PSMG2: variants seen among roughly 807,000 people sequenced by gnomAD.
PSMG2 encodes the protein proteasome assembly chaperone 2, also known as CD40 ligand-activated specific transcript 3.
In PSMG2, 21 loss-of-function variants were observed where a neutral mutation model predicts 31.5. That is an observed-to-expected ratio of 0.67 (90% CI 0.47 to 0.96). The LOEUF (loss-of-function observed/expected upper bound fraction) is 0.96, where lower values mean the gene tolerates loss of function less well. Among genes scored for constraint, PSMG2 ranks in the 40% least tolerant of loss-of-function variants. The pLI, the probability that PSMG2 is intolerant of heterozygous loss-of-function variation, is 0.00. For missense variants in PSMG2, 318 were observed against 321.2 expected (o/e 0.99, Z 0.08); for synonymous variants, 120 against 110.4 (o/e 1.09, Z -0.54).
intron 1 of PSMG2, chr18:12,665,140 G>A (rs1403859567): frequency 6.6e-6 from 1 of 152,016 alleles, no homozygotes; most frequent in Non-Finnish European, 1.5e-5. Flanking sequence ...CTCTTCCAAG[G>A]TGAGCATGTA....
intron 1 of PSMG2, chr18:12,678,154 ATTAC>A: frequency 6.2e-7 from 1 of 1,613,988 alleles, no homozygotes; most frequent in Non-Finnish European, 8.5e-7. Context: ...TTTCAATTTC[ATTAC>A]TTGTTACTGA....
At chr18:12,718,474 T>C in intron 3 of PSMG2, 43 bp from the exon 4 acceptor site, 2 of 1,294,708 alleles carry the variant, frequency 1.5e-6, no homozygotes. Context: ...GCTCTAAGAC[T>C]AACTTTTAGA....
At chr18:12,724,782 C>A in intron 6 of PSMG2, 163 bp downstream of exon 6, 1 of 723,826 alleles carries the variant, frequency 1.4e-6, no homozygotes, top group African/African-American at 1.8e-5. Context: ...AATTAGAGGA[C>A]AGTTAACCAA....
intron 1 of PSMG2, 150 bp downstream of exon 1, chr18:12,703,314 C>T (rs2040219063): frequency 1.1e-6 from 1 of 914,474 alleles, no homozygotes; most frequent in Non-Finnish European, 1.6e-6. Flanking sequence ...GAGGTTGTAG[C>T]CGGAGGCAGC....
At chr18:12,700,936 A>C (rs1358460169), upstream of PSMG2, 1 of 1,595,944 alleles carries the variant, frequency 6.3e-7, no homozygotes, top group African/African-American at 1.3e-5. Context: ...ACTCTCATTT[A>C]TTTCCCTAAA....
chr18:12,687,454 A>ATTTT (rs1259960536), intron 1 of PSMG2, among the ~76,000 whole-genome samples: 4 of 140,730 alleles, frequency 2.8e-5, no homozygotes, highest in Admixed American at 7.2e-5. Context: ...GAAGGCATCA[A>ATTTT]TTTTTTTTTT....
At chr18:12,690,174 A>G (rs949504470) in intron 1 of PSMG2, among the ~76,000 whole-genome samples, 4 of 152,172 alleles carry the variant, frequency 2.6e-5, no homozygotes, top group African/African-American at 9.7e-5. Flanking sequence ...TCAATATATA[A>G]ACAACGCTAT....
At chr18:12,674,531 C>G (rs771479371) in intron 1 of PSMG2, 48 of 1,606,776 alleles carry the variant, frequency 3.0e-5, no homozygotes, top group Non-Finnish European at 4.0e-5. Flanking sequence ...TAAATTACAC[C>G]TTACCGAAGA....
At chr18:12,698,911 T>C (rs2040054674), upstream of PSMG2, 3 of 1,154,914 alleles carry the variant, frequency 2.6e-6, no homozygotes, top group East Asian at 2.5e-5. Context: ...AAAGTCATTA[T>C]TATTGTTTCA....
Position 12,712,725 on chromosome 18 carries a change from C to T in PSMG2, c.253C>T (p.Leu85=), listed in dbSNP as rs2040342816. 5 of 1,607,860 alleles carry T rather than the reference C, an allele frequency of 3.1e-6. No homozygotes were observed. The highest frequency in any genetic ancestry group is 4.3e-6 in the Non-Finnish European group (5 of 1,175,652). ...AEVYSLPSRK[L]VALQLRSIFI... Reference sequence around the variant, plus strand: ...AGTGTATTCATTGCCTTCAAGAAAGCTGGTGGCTCTACAGTTAAGATCCAT... The same window carrying T: ...AGTGTATTCATTGCCTTCAAGAAAGTTGGTGGCTCTACAGTTAAGATCCAT... Residue 85 remains leucine (L), a synonymous_variant, in exon 3 of 7, where the codon CTG becomes TTG. Transcript: ENST00000317615.
At chr18:12,669,184 C>T (rs532599769) in intron 1 of PSMG2, among the ~76,000 whole-genome samples, 2 of 151,248 alleles carry the variant, frequency 1.3e-5, no homozygotes, top group African/African-American at 4.9e-5. Context: ...GTGATCTCAG[C>T]TCACGGCAAC....
At chr18:12,671,026 T>C (rs2038928359) in intron 1 of PSMG2, 1 of 152,088 alleles carries the variant, frequency 6.6e-6, no homozygotes, top group Non-Finnish European at 1.5e-5. Flanking sequence ...CCATTTTTGA[T>C]GAAAATTGTA....
chr18:12,703,264 C>A, intron 1 of PSMG2, 100 bp downstream of exon 1: 3 of 1,260,986 alleles, frequency 2.4e-6, no homozygotes, highest in Non-Finnish European at 3.3e-6. Flanking sequence ...AGAAATAGGG[C>A]ACTAGTTTCT....
intron 1 of PSMG2, among the ~76,000 whole-genome samples, chr18:12,660,935 A>G (rs1246571539): frequency 6.6e-6 from 1 of 152,254 alleles, no homozygotes; most frequent in African/African-American, 2.4e-5. Context: ...GTGTAGTTAT[A>G]CAACATGAAC....
intron 1 of PSMG2, chr18:12,661,259 G>T: frequency 2.2e-6 from 1 of 449,290 alleles, no homozygotes; most frequent in Non-Finnish European, 2.9e-6. Context: ...AGTGAGCCGA[G>T]ATCACGCCAT....
chr18:12,710,518 T>C (rs1429530057), intron 2 of PSMG2, among the ~76,000 whole-genome samples: 1 of 152,198 alleles, frequency 6.6e-6, no homozygotes, highest in Non-Finnish European at 1.5e-5. Flanking sequence ...TGAAATCTCT[T>C]TTACTCTAGA....
At chr18:12,682,813 A>T (rs1453017908) in intron 1 of PSMG2, among the ~76,000 whole-genome samples, 1 of 150,694 alleles carries the variant, frequency 6.6e-6, no homozygotes, top group East Asian at 2.0e-4. Context: ...GTAGAGAGAG[A>T]GTTTCATCAT....
intron 1 of PSMG2, chr18:12,670,583 C>T (rs967949170): frequency 1.3e-5 from 2 of 152,060 alleles, no homozygotes; most frequent in Admixed American, 6.5e-5. Context: ...CATAGTTTGT[C>T]TCAAAAGTTG....
chr18:12,683,186 C>CAAA lies in PSMG2; in HGVS notation c.-36-23348_-36-23346dup, dbSNP rs765652085. Among the ~76,000 whole-genome samples the CAAA allele has an allele frequency of 1.0e-3, 66 of 63,674 alleles. 1 individual carries two copies. The highest frequency in any genetic ancestry group is 1.7e-3 in the Non-Finnish European group (54 of 32,436). 41.8% of individuals were successfully genotyped at this position (63,674 alleles called of 152,430 possible). A position where few individuals can be genotyped will look rare whatever the true frequency, so the allele number is the denominator to read the frequency against. ...GAAACCCCATCTCTACTAAAAATAC[C>CAAA]AAAAAAAAAAAAAAAAAAGCCAGGC... On this transcript the variant is annotated intron_variant, in intron 1 of 6. Coordinates refer to the PSMG2 transcript ENST00000585331.
Sources: allele counts gnomAD v4.1 joint callset (sites outside exome capture counted in the v4.1 genomes callset), GRCh38; gene constraint gnomAD v4.1.1; transcripts MANE v1.5; gene names NCBI Gene and HGNC (gene_info 2026-07-23, HGNC 2026-07-21).